NKD1: variants seen among roughly 807,000 people sequenced by gnomAD.
NKD1 encodes protein naked cuticle homolog 1.
In NKD1, 21 loss-of-function variants were observed where a neutral mutation model predicts 56.0. The observed-to-expected ratio is 0.38, with a 90% CI of 0.27 to 0.54. The LOEUF (loss-of-function observed/expected upper bound fraction) is 0.54. Ranked by LOEUF, NKD1 falls within the 20% of genes least tolerant of loss-of-function variation. The pLI is 0.82. For synonymous variants in NKD1, 263 were observed against 265.7 expected (o/e 0.99, Z 0.10); for missense variants, 578 against 642.7 (o/e 0.90, Z 1.09).
intron 3 of NKD1, among the ~76,000 whole-genome samples, chr16:50,588,216 A>G (rs147077258): frequency 7.7e-4 from 118 of 152,348 alleles, no homozygotes; most frequent in Non-Finnish European, 1.5e-3. Flanking sequence ...CATTCAACTT[A>G]CATATCTAAT....
At chr16:50,628,127 C>A (rs1962264515) in intron 6 of NKD1, among the ~76,000 whole-genome samples, 1 of 152,130 alleles carries the variant, frequency 6.6e-6, no homozygotes, top group Non-Finnish European at 1.5e-5. Flanking sequence ...CCCACAATTT[C>A]AATCTGGCCC....
rs1223040838 is a variant in NKD1 at position 50,648,655 on chromosome 16, T to C, written c.*14874T>C. 1 of 152,254 alleles carries C rather than the reference T, an allele frequency of 6.6e-6. No homozygotes were observed. The highest frequency in any genetic ancestry group is 1.5e-5 in the Non-Finnish European group (1 of 68,056). The allele number at this position is 152,254 out of a possible 1,614,324, so 9.4% of individuals were successfully genotyped here. The stretch of plus-strand genomic sequence containing the variant: ...TCTTCCTTGTAATACAGCCTCTGAT[T>C]TTGAGCCCAAGAATAAAGACTACAG... On this transcript the variant is annotated 3_prime_UTR_variant, in exon 10 of 10. Coordinates refer to ENST00000268459, the MANE Select transcript of NKD1 (RefSeq NM_033119.5).
At chr16:50,599,901 T>C (rs1439794918) in intron 3 of NKD1, among the ~76,000 whole-genome samples, 1 of 152,080 alleles carries the variant, frequency 6.6e-6, no homozygotes, top group Non-Finnish European at 1.5e-5. Context: ...GGTGTTGGTG[T>C]TTTGGGTTTT....
intron 4 of NKD1, 135 bp downstream of exon 4, chr16:50,608,495 G>T: frequency 2.8e-6 from 2 of 710,188 alleles, no homozygotes; most frequent in Non-Finnish European, 5.2e-6. Context: ...TCTGGGTGGG[G>T]GTGGACTAGA....
intron 3 of NKD1, among the ~76,000 whole-genome samples, chr16:50,589,514 G>C (rs1961301592): frequency 6.6e-6 from 1 of 152,172 alleles, no homozygotes; most frequent in Admixed American, 6.5e-5. Flanking sequence ...AGTCAGCCTG[G>C]TCGGGGGCAC....
At position 50,632,786 on chromosome 16, in the gene NKD1, A is replaced by T. The variant is rs948386755; in HGVS notation, c.823+378A>T. Among the ~76,000 whole-genome samples the T allele has an allele frequency of 6.6e-6, 1 of 151,956 alleles. No individual in the cohort carries two copies. Among genetic ancestry groups the T allele is most frequent in the African/African-American group, 2.4e-5 (1 of 41,350 alleles). The stretch of plus-strand genomic sequence containing the variant: ...ACTGTGTCTTTATCAGCCTTGACAT[A>T]TGTTGACCTCTTGCTCAATTTCACT... On this transcript the variant is annotated intron_variant, in intron 9 of 9. Transcript: ENST00000268459. The surrounding 1 kb of genome is among the most constrained non-coding windows in gnomAD (Gnocchi z 4.1).
chr16:50,621,764 G>A, intron 5 of NKD1, 56 bp downstream of exon 5: 2 of 1,342,616 alleles, frequency 1.5e-6, no homozygotes, highest in Admixed American at 1.9e-5. Context: ...TTCTCAGCTT[G>A]GGGCTTTGGG....
chr16:50,628,383 C>T (rs1281390804), intron 6 of NKD1, among the ~76,000 whole-genome samples: 1 of 152,222 alleles, frequency 6.6e-6, no homozygotes, highest in Non-Finnish European at 1.5e-5. Flanking sequence ...TGGGGCTGCG[C>T]TGGGGTTGCC....
chr16:50,625,105 AC>A (rs1431531898), intron 5 of NKD1: 1 of 300,616 alleles, frequency 3.3e-6, no homozygotes, highest in Non-Finnish European at 6.4e-6. Flanking sequence ...ATGCTGTCCT[AC>A]CCTGGCATCC....
At chr16:50,585,875 T>C (rs1961218339) in intron 3 of NKD1, among the ~76,000 whole-genome samples, 1 of 152,246 alleles carries the variant, frequency 6.6e-6, no homozygotes, top group Non-Finnish European at 1.5e-5. Flanking sequence ...TCATCGAGTC[T>C]GTGCCCTGTT....
chr16:50,562,737 G>T (rs1181428940), intron 3 of NKD1, among the ~76,000 whole-genome samples: 2 of 152,116 alleles, frequency 1.3e-5, no homozygotes, highest in African/African-American at 4.8e-5. Flanking sequence ...AGAGAGGAGG[G>T]TGCAGGAGTT....
intron 6 of NKD1, among the ~76,000 whole-genome samples, chr16:50,626,423 AG>A: frequency 6.6e-6 from 1 of 151,996 alleles, no homozygotes; most frequent in African/African-American, 2.4e-5. Flanking sequence ...TGGAAGGTCC[AG>A]GGGAGGCCTC....
Position 50,637,113 on chromosome 16 carries a change from C to T in NKD1, c.*3332C>T, listed in dbSNP as rs1016087190. On this transcript the variant is annotated 3_prime_UTR_variant, in exon 10 of 10. Coordinates refer to ENST00000268459, the MANE Select transcript of NKD1 (RefSeq NM_033119.5). ...CCTGGTGGTCATAAGGGTCATCTCT[C>T]ATCCCAGGCTCTGGCGAACACTGTG... is the stretch of plus-strand genomic sequence containing the variant. 1.3e-5 allele frequency: 2 copies of T among 152,210 alleles called. No homozygotes were observed. The highest frequency in any genetic ancestry group is 2.9e-5 in the Non-Finnish European group (2 of 68,064). 9.4% of individuals were successfully genotyped at this position (152,210 alleles called of 1,614,324 possible).
intron 3 of NKD1, chr16:50,558,806 G>A (rs891089462): frequency 3.3e-5 from 5 of 152,144 alleles, no homozygotes; most frequent in African/African-American, 1.2e-4. Context: ...CTACTTGGGA[G>A]GCTGAAGCAG....
In NKD1 at chr16:50,598,367, G is replaced by A. The variant is rs1258177380; in HGVS notation, c.193-9927G>A. 1.1e-4 allele frequency among the ~76,000 whole-genome samples: 16 copies of A among 152,158 alleles called. No individual in the cohort carries two copies. Among genetic ancestry groups the A allele is most frequent in the African/African-American group, 3.9e-4 (16 of 41,442 alleles). On this transcript the variant is annotated intron_variant, in intron 3 of 9. Transcript: ENST00000268459. This position sits in a 1 kb window ranked among gnomAD's most constrained non-coding sequence, Gnocchi z 4.2. ...ACTTCATCTGTTTCGTTTAGGTTCAGAAAAGCAAGAAGCTCAAGCCCTTCA... is the reference window on the plus strand; with the variant it reads ...ACTTCATCTGTTTCGTTTAGGTTCAAAAAAGCAAGAAGCTCAAGCCCTTCA...
rs1452917600 is a variant in NKD1, at chr16:50,634,395, A to G, written c.*614A>G. ...CCAGTGGGATCAAGCCCTTTTCCCC[A>G]AGAGTCCCATCTCTTCTGCCATGCA... On this transcript the variant is annotated 3_prime_UTR_variant, in exon 10 of 10. Coordinates refer to ENST00000268459, the MANE Select transcript of NKD1 (RefSeq NM_033119.5). 1 of 152,498 alleles carries G rather than the reference A, an allele frequency of 6.6e-6. No homozygotes were observed. The highest frequency in any genetic ancestry group is 2.4e-5 in the African/African-American group (1 of 41,424). The allele number at this position is 152,498 out of a possible 1,614,324, so 9.4% of individuals were successfully genotyped here. A position where few individuals can be genotyped will look rare whatever the true frequency, so the allele number is the denominator to read the frequency against.
At chr16:50,583,699 TGTC>T (rs551413181) in intron 3 of NKD1, among the ~76,000 whole-genome samples, 16 of 152,176 alleles carry the variant, frequency 1.1e-4, no homozygotes, top group Non-Finnish European at 1.9e-4. Flanking sequence ...AAAGATGCCG[TGTC>T]CCCTGGCACA....
At chr16:50,571,870 C>T in intron 3 of NKD1, among the ~76,000 whole-genome samples, 1 of 152,176 alleles carries the variant, frequency 6.6e-6, no homozygotes, top group East Asian at 1.9e-4. Flanking sequence ...AGAGGAACAT[C>T]TAAATTCCTT....
chr16:50,572,868 G>A, intron 3 of NKD1: 4 of 984,984 alleles, frequency 4.1e-6, no homozygotes, highest in Non-Finnish European at 4.8e-6. Flanking sequence ...AGTCTCTGGA[G>A]CCAACAGGAT....
Sources: gnomAD v4.1 joint callset for allele counts (sites outside exome capture counted in the v4.1 genomes callset) on GRCh38, gnomAD v4.1.1 for gene constraint, Gnocchi (gnomAD v3.1) non-coding constraint, MANE v1.5 for transcripts, NCBI Gene and HGNC (gene_info 2026-07-23, HGNC 2026-07-21) for gene names.